The following TEX2 variants were observed in gnomAD, a reference collection of about 807,000 sequenced individuals.
TEX2 encodes testis-expressed protein 2.
A neutral mutation model predicts 106.9 loss-of-function variants in TEX2; 53 were observed. That is an observed-to-expected ratio of 0.50 (90% confidence interval 0.40 to 0.62). The LOEUF is 0.62. Ranked by LOEUF, TEX2 falls within the 20% of genes least tolerant of loss-of-function variation. The pLI is 0.00. For missense variants in TEX2, 1,207 were observed against 1,379.0 expected (o/e 0.88, Z 1.98); for synonymous variants, 523 against 534.8 (o/e 0.98, Z 0.30).
chr17:64,254,228 A>G (rs2034144098), intron 1 of TEX2, among the ~76,000 whole-genome samples: 1 of 152,208 alleles, frequency 6.6e-6, no homozygotes, highest in African/African-American at 2.4e-5. Flanking sequence ...CAGGTCTTTG[A>G]GCCTTGCTCT....
chr17:64,238,604 G>C (rs1187451241), intron 1 of TEX2, among the ~76,000 whole-genome samples: 2 of 152,216 alleles, frequency 1.3e-5, no homozygotes, highest in Non-Finnish European at 2.9e-5. Context: ...AGGGTAACAG[G>C]AGAGAGAATG....
chr17:64,247,512 G>A (rs2034012430), intron 1 of TEX2, among the ~76,000 whole-genome samples: 1 of 150,736 alleles, frequency 6.6e-6, no homozygotes, highest in South Asian at 2.1e-4. Context: ...TGAGGGGAGT[G>A]GGGCTAGCAG....
At chr17:64,214,736 A>G (rs2033134941) in intron 1 of TEX2, among the ~76,000 whole-genome samples, 2 of 152,236 alleles carry the variant, frequency 1.3e-5, no homozygotes, top group South Asian at 4.1e-4. Flanking sequence ...AGCAATCCTA[A>G]CAATTATTTG....
intron 8 of TEX2, among the ~76,000 whole-genome samples, chr17:64,159,005 A>G (rs2030761986): frequency 6.6e-6 from 1 of 152,234 alleles, no homozygotes; most frequent in Non-Finnish European, 1.5e-5. Context: ...TCACATTCCT[A>G]AAGCAGAGGA....
At chr17:64,234,490 G>A (rs1555634913) in intron 1 of TEX2, among the ~76,000 whole-genome samples, 1 of 152,158 alleles carries the variant, frequency 6.6e-6, no homozygotes, top group African/African-American at 2.4e-5. Flanking sequence ...CCATCCATGT[G>A]CAATTAGGAG....
At chr17:64,214,869 T>A (rs2033137848) in intron 1 of TEX2, among the ~76,000 whole-genome samples, 2 of 152,246 alleles carry the variant, frequency 1.3e-5, no homozygotes, top group South Asian at 4.1e-4. Context: ...AAGACCAGAG[T>A]ATTTAGGCAG....
chr17:64,230,453 GGA>G (rs1240097747), intron 1 of TEX2, among the ~76,000 whole-genome samples: 5 of 152,206 alleles, frequency 3.3e-5, no homozygotes, highest in African/African-American at 9.7e-5. Context: ...GGTTCCCTGA[GGA>G]GAACCACTTG....
intron 1 of TEX2, chr17:64,255,787 C>T (rs1473941152): frequency 2.6e-5 from 4 of 152,206 alleles, no homozygotes; most frequent in Admixed American, 6.5e-5. Context: ...CATCAAATCT[C>T]GCTGGAGATG....
rs977058193 is a variant in TEX2 at position 64,205,501 on chromosome 17, A to G, written c.1644+7073T>C. ...TTTCTTGTCCTTACTCTAAGTTATAAGAGACCAACAAAAAGCAATCCAAGT... is the reference window on the plus strand; with the variant it reads ...TTTCTTGTCCTTACTCTAAGTTATAGGAGACCAACAAAAAGCAATCCAAGT... On this transcript the variant is annotated intron_variant, in intron 2 of 11. Coordinates refer to ENST00000584379, the MANE Select transcript of TEX2 (RefSeq NM_001288732.2). The surrounding 1 kb of genome is among the most constrained non-coding windows in gnomAD (Gnocchi z 4.0). Among the ~76,000 whole-genome samples, 2 of 152,206 alleles carry G rather than the reference A, an allele frequency of 1.3e-5. No individual in the cohort carries two copies. The highest frequency in any genetic ancestry group is 1.3e-4 in the Admixed American group (2 of 15,270).
intron 3 of TEX2, 44 bp downstream of exon 3, chr17:64,194,850 CT>C (rs1187316557): frequency 6.3e-7 from 1 of 1,587,128 alleles, no homozygotes; most frequent in Non-Finnish European, 8.6e-7. Flanking sequence ...ATGCCATATG[CT>C]TTTCATTCAT....
chr17:64,160,980 C>T (rs2030856948), intron 7 of TEX2, 47 bp from the exon 8 acceptor site: 2 of 1,592,588 alleles, frequency 1.3e-6, no homozygotes, highest in Non-Finnish European at 1.7e-6. Context: ...CTCAAAAAAA[C>T]ACATGACTAT....
chr17:64,242,578 C>A (rs1176681332), intron 1 of TEX2, among the ~76,000 whole-genome samples: 1 of 152,100 alleles, frequency 6.6e-6, no homozygotes, highest in Non-Finnish European at 1.5e-5. Context: ...CTGTTGCCAC[C>A]AAGAGGACTG....
rs147397559 is a variant in TEX2, at chr17:64,188,148, G to A, written c.2424+20C>T. On this transcript the variant is annotated intron_variant, in intron 5 of 11. Coordinates refer to ENST00000584379, the MANE Select transcript of TEX2 (RefSeq NM_001288732.2). ...CTAAGTCGAAAAGTGAAAAAGGTCC[G>A]GCCCAGCAGCCAGCTTTACCTTCTT... 2,991 of 1,598,518 alleles carry A rather than the reference G, an allele frequency of 1.9e-3. 5 individuals are homozygous for A. The highest frequency in any genetic ancestry group is 2.2e-3 in the Non-Finnish European group (2,637 of 1,176,442).
chr17:64,210,637 T>A (rs1555631391), intron 2 of TEX2, among the ~76,000 whole-genome samples: 4 of 26,558 alleles, frequency 1.5e-4, no homozygotes, highest in African/African-American at 1.9e-4. Flanking sequence ...CCCCCAGCTT[T>A]TTTTTTTTTT....
At chr17:64,174,851 A>T (rs1490098523) in intron 6 of TEX2, among the ~76,000 whole-genome samples, 1 of 152,220 alleles carries the variant, frequency 6.6e-6, no homozygotes, top group Non-Finnish European at 1.5e-5. Flanking sequence ...GCTTGTTTTA[A>T]ACCCATCACT....
intron 7 of TEX2, among the ~76,000 whole-genome samples, chr17:64,168,207 C>A (rs913903895): frequency 6.6e-6 from 1 of 152,118 alleles, no homozygotes; most frequent in African/African-American, 2.4e-5. Context: ...AGGAAAGATT[C>A]CCCCGTAGAG....
intron 1 of TEX2, among the ~76,000 whole-genome samples, chr17:64,250,702 G>A (rs1262930298): frequency 6.6e-6 from 1 of 151,772 alleles, no homozygotes; most frequent in Non-Finnish European, 1.5e-5. Flanking sequence ...TTTTATTTTT[G>A]ACAGGGTCTC....
At chr17:64,249,866 C>A (rs2143470770) in intron 1 of TEX2, among the ~76,000 whole-genome samples, 1 of 152,272 alleles carries the variant, frequency 6.6e-6, no homozygotes, top group East Asian at 1.9e-4. Flanking sequence ...GCCATTTCTG[C>A]TGGGAGTTTT....
At chr17:64,211,544 T>A (rs1280547043) in intron 2 of TEX2, among the ~76,000 whole-genome samples, 1 of 152,160 alleles carries the variant, frequency 6.6e-6, no homozygotes, top group African/African-American at 2.4e-5. Context: ...GATACAAATT[T>A]AAAAATACAG....
Sources: gnomAD v4.1 joint callset for allele counts (sites outside exome capture counted in the v4.1 genomes callset) on GRCh38, gnomAD v4.1.1 for gene constraint, Gnocchi (gnomAD v3.1) non-coding constraint, MANE v1.5 for transcripts, NCBI Gene and HGNC (gene_info 2026-07-23, HGNC 2026-07-21) for gene names.